C3orf20: variants seen among roughly 807,000 people sequenced by gnomAD.
The protein encoded by C3orf20 is uncharacterized protein C3orf20.
A neutral mutation model predicts 88.3 loss-of-function variants in C3orf20; 76 were observed. The observed-to-expected ratio is 0.86, with a 90% CI of 0.72 to 1.04. C3orf20 has a LOEUF of 1.04. C3orf20 is among the 50% of genes least tolerant of loss of function. C3orf20 has a pLI of 0.00. For synonymous variants in C3orf20, 436 were observed against 437.4 expected (o/e 1.00, Z 0.04); for missense variants, 1,056 against 1,123.3 (o/e 0.94, Z 0.86).
intron 12 of C3orf20, among the ~76,000 whole-genome samples, chr3:14,729,600 G>A (rs1418793829): frequency 6.6e-6 from 1 of 152,174 alleles, no homozygotes; most frequent in Non-Finnish European, 1.5e-5. Context: ...AGGCTGGAGT[G>A]CAGTGGCACG....
In C3orf20 at chr3:14,682,930, T is replaced by C. The variant is rs2032176609; in HGVS notation, c.217T>C (p.Phe73Leu). The change falls in exon 3 of 17, where the codon TTT (phenylalanine) becomes CTT (leucine). Residue 73 changes from phenylalanine (F) to leucine (L), a missense_variant. Physicochemically the swap from Phe to Leu is conservative, Grantham distance 22. Transcript: ENST00000253697. ...CGACATCTTGGGCCTGGAGGTCAGC[T>C]TTGGAGCCCCCCTGGTGGTGCTCAT... is the stretch of plus-strand genomic sequence containing the variant. ...PSDILGLEVS[F>L]GAPLVVLMEP... The C allele has an allele frequency of 1.2e-6, 2 of 1,614,192 alleles. No individual in the cohort carries two copies. Among genetic ancestry groups the C allele is most frequent in the African/African-American group, 1.3e-5 (1 of 75,046 alleles).
intron 5 of C3orf20, among the ~76,000 whole-genome samples, chr3:14,691,102 C>T (rs771732620): frequency 7.2e-5 from 11 of 152,246 alleles, no homozygotes; most frequent in Non-Finnish European, 1.5e-5. Flanking sequence ...TGCTAACTGT[C>T]AGTCTCTGTA....
intron 13 of C3orf20, among the ~76,000 whole-genome samples, chr3:14,758,530 A>C (rs2035457919): frequency 6.6e-6 from 1 of 152,210 alleles, no homozygotes; most frequent in Non-Finnish European, 1.5e-5. Flanking sequence ...AACTGGAGCA[A>C]AGGATGGCAC....
intron 5 of C3orf20, among the ~76,000 whole-genome samples, chr3:14,691,799 A>G (rs62233762): frequency 0.16 from 24,270 of 152,088 alleles, 2,141 homozygotes; most frequent in Non-Finnish European, 0.18. Context: ...AAAATATATA[A>G]TTAAATTATA....
chr3:14,761,423 T>G lies in C3orf20; in HGVS notation c.2353-50T>G, dbSNP rs185683486. The G allele has an allele frequency of 1.6e-4, 264 of 1,610,580 alleles. 1 individual carries two copies. The East Asian group carries it at 4.4e-3, about 27-fold the overall frequency. On this transcript the variant is annotated intron_variant, in intron 14 of 16. Coordinates refer to ENST00000253697, the MANE Select transcript of C3orf20 (RefSeq NM_032137.5). ...ACTTGCCTGTCTTATCAGTGGACACTGCTGTGCTGATGTGCTGAGGATCTC... is the reference window on the plus strand; with the variant it reads ...ACTTGCCTGTCTTATCAGTGGACACGGCTGTGCTGATGTGCTGAGGATCTC...
At chr3:14,693,969 T>C (rs887812961) in intron 5 of C3orf20, among the ~76,000 whole-genome samples, 15 of 152,256 alleles carry the variant, frequency 9.9e-5, no homozygotes, top group African/African-American at 3.6e-4. Context: ...TTGTACTTCA[T>C]TCTGTTGATA....
rs760715829 is a variant in C3orf20, at chr3:14,757,384, G to A, written c.1954G>A (p.Glu652Lys). 13 of 1,611,210 alleles carry A rather than the reference G, an allele frequency of 8.1e-6. No individual in the cohort carries two copies. The highest frequency in any genetic ancestry group is 6.6e-5 in the South Asian group (6 of 90,938). The change falls in exon 13 of 17, where the codon GAG becomes AAG. Residue 652 changes from glutamate (E) to lysine (K), a missense_variant. Glu to Lys is a moderately conservative substitution (Grantham distance 56, BLOSUM62 1). Transcript: ENST00000253697. ...TCCTCCTTGCAGAGGGAAGGCCCGCGAGGGGCGCAGCCCCACCAGGTGGGC... is the reference window on the plus strand; with the variant it reads ...TCCTCCTTGCAGAGGGAAGGCCCGCAAGGGGCGCAGCCCCACCAGGTGGGC... Reference protein sequence around the residue: ...AKVTSRGKAREGRSPTRWAAL... With the variant: ...AKVTSRGKARKGRSPTRWAAL...
At chr3:14,720,334 G>T (rs2034109209) in intron 9 of C3orf20, among the ~76,000 whole-genome samples, 1 of 152,258 alleles carries the variant, frequency 6.6e-6, no homozygotes, top group African/African-American at 2.4e-5. Flanking sequence ...CCGGCAGAGG[G>T]TTTCTTTTAA....
At chr3:14,767,783 C>T (rs998354878) in intron 15 of C3orf20, among the ~76,000 whole-genome samples, 1 of 152,262 alleles carries the variant, frequency 6.6e-6, no homozygotes, top group Non-Finnish European at 1.5e-5. Flanking sequence ...TTCTACACTG[C>T]TGTGCGCCCT....
intron 4 of C3orf20, among the ~76,000 whole-genome samples, chr3:14,685,584 TAACC>T (rs2032368695): frequency 6.6e-6 from 1 of 151,768 alleles, no homozygotes; most frequent in Non-Finnish European, 1.5e-5. Flanking sequence ...TTAACTATAG[TAACC>T]ATGCTATATA....
chr3:14,676,578 G>A (rs1559388374), intron 1 of C3orf20, among the ~76,000 whole-genome samples: 1 of 152,032 alleles, frequency 6.6e-6, no homozygotes, highest in Non-Finnish European at 1.5e-5. Context: ...TTTTAGTATG[G>A]TTTAACAAAC....
rs931799269 is a variant in C3orf20 at position 14,738,697 on chromosome 3, A to G, written c.1940+10009A>G. On this transcript the variant is annotated intron_variant, in intron 12 of 16. Transcript: ENST00000253697. ...TGCCCAGGCTGGAGTGCAATGGCACATGGCACAATCTTGGCTCACCGCAAC... is the reference window on the plus strand; with the variant it reads ...TGCCCAGGCTGGAGTGCAATGGCACGTGGCACAATCTTGGCTCACCGCAAC... 4.1e-5 allele frequency among the ~76,000 whole-genome samples: 5 copies of G among 123,294 alleles called. No homozygotes were observed. The South Asian group carries it at 1.2e-3, about 31-fold the overall frequency. 80.9% of individuals were successfully genotyped at this position (123,294 alleles called of 152,430 possible).
chr3:14,696,371 CATTATTATT>C (rs141837445), intron 5 of C3orf20, among the ~76,000 whole-genome samples: 49 of 142,044 alleles, frequency 3.4e-4, no homozygotes, highest in Admixed American at 1.6e-3. Context: ...GTTGTGCTAT[CATTATTATT>C]ATTATTATTA....
At chr3:14,690,378 C>A (rs946129111) in intron 5 of C3orf20, among the ~76,000 whole-genome samples, 1 of 152,192 alleles carries the variant, frequency 6.6e-6, no homozygotes, top group African/African-American at 2.4e-5. Flanking sequence ...AGCGATGTGG[C>A]GTCCCTCCTC....
intron 8 of C3orf20, among the ~76,000 whole-genome samples, chr3:14,714,837 C>A (rs1443375625): frequency 1.3e-5 from 2 of 152,132 alleles, no homozygotes; most frequent in Non-Finnish European, 2.9e-5. Context: ...AAACTCCTGG[C>A]CTCAAACAAT....
At position 14,768,346 on chromosome 3, in the gene C3orf20, C is replaced by T. The variant is rs1359622727; in HGVS notation, c.2496-3721C>T. Reference sequence around the variant, plus strand: ...ACCGCCAGGCCCTCCCTCTATGATGCTGCTCTGAGGAACAGCAATCCACCC... The same window carrying T: ...ACCGCCAGGCCCTCCCTCTATGATGTTGCTCTGAGGAACAGCAATCCACCC... On this transcript the variant is annotated intron_variant, in intron 15 of 16. Transcript: ENST00000253697. This position sits in a 1 kb window ranked among gnomAD's most constrained non-coding sequence, Gnocchi z 4.1. Among the ~76,000 whole-genome samples, 3 of 152,048 alleles carry T rather than the reference C, an allele frequency of 2.0e-5. No homozygotes were observed. Among genetic ancestry groups the T allele is most frequent in the Non-Finnish European group, 4.4e-5 (3 of 68,016 alleles).
At chr3:14,750,547 C>G (rs1421020521) in intron 12 of C3orf20, among the ~76,000 whole-genome samples, 2 of 112,732 alleles carry the variant, frequency 1.8e-5, no homozygotes, top group African/African-American at 7.5e-5. Context: ...AGAATGAGAC[C>G]CTGTCTTAAA....
chr3:14,756,306 G>A (rs1476711646), intron 12 of C3orf20, among the ~76,000 whole-genome samples: 2 of 151,856 alleles, frequency 1.3e-5, no homozygotes, highest in African/African-American at 4.8e-5. Flanking sequence ...ACCCGGTACA[G>A]TGTTTGGCAC....
chr3:14,747,550 A>G (rs1169148646), intron 12 of C3orf20, among the ~76,000 whole-genome samples: 1 of 152,224 alleles, frequency 6.6e-6, no homozygotes, highest in South Asian at 2.1e-4. Flanking sequence ...TAGTCTACAG[A>G]TAGAAAACAA....
Sources: gnomAD v4.1 joint callset for allele counts (sites outside exome capture counted in the v4.1 genomes callset) on GRCh38, gnomAD v4.1.1 for gene constraint, Gnocchi (gnomAD v3.1) non-coding constraint, MANE v1.5 for transcripts, NCBI Gene and HGNC (gene_info 2026-07-23, HGNC 2026-07-21) for gene names.